The following KPNA7 variants were observed in gnomAD, a reference collection of about 807,000 sequenced individuals.
The protein encoded by KPNA7 is importin subunit alpha-8.
A neutral mutation model predicts 53.7 loss-of-function variants in KPNA7; 54 were observed. That is an observed-to-expected ratio of 1.01 (90% CI 0.81 to 1.26). The LOEUF (loss-of-function observed/expected upper bound fraction) is 1.26. Among genes scored for constraint, KPNA7 ranks in the 50% most tolerant of loss-of-function variants. The pLI is 0.00. For synonymous variants in KPNA7, 276 were observed against 259.3 expected, an observed-to-expected ratio of 1.06 and a Z score of -0.62; for missense variants, 640 against 644.5, an observed-to-expected ratio of 0.99 and a Z score of 0.07.
chr7:99,199,065 G>GGAAAAA (rs1297557877), intron 3 of KPNA7, among the ~76,000 whole-genome samples: 6 of 61,128 alleles, frequency 9.8e-5, no homozygotes, highest in Admixed American at 2.1e-4. Context: ...GCTGCAAACT[G>GGAAAAA]AAAAAAAAAA....
chr7:99,161,234 TC>T, the KPNA7 span, among the ~76,000 whole-genome samples: 1 of 2,494 alleles, frequency 4.0e-4, no homozygotes. Context: ...TCTCTCTCTC[TC>T]TCTCTCTCTC....
At chr7:99,190,149 C>T (rs1045713788) in intron 6 of KPNA7, among the ~76,000 whole-genome samples, 1 of 151,836 alleles carries the variant, frequency 6.6e-6, no homozygotes, top group African/African-American at 2.4e-5. Context: ...CCAGCCTGGC[C>T]AAGATGGTGA....
intron 4 of KPNA7, 55 bp downstream of exon 4, chr7:99,196,029 C>G: frequency 7.0e-7 from 1 of 1,432,306 alleles, no homozygotes; most frequent in African/African-American, 1.4e-5. Flanking sequence ...CCAGCCATCA[C>G]TGACGCTCAT....
intron 8 of KPNA7, among the ~76,000 whole-genome samples, chr7:99,184,531 G>C (rs1033607184): frequency 1.3e-5 from 2 of 152,062 alleles, no homozygotes; most frequent in African/African-American, 4.8e-5. Context: ...ATTTAACTTT[G>C]CTTTCCTTCA....
chr7:99,184,065 T>A (rs1207670153), intron 8 of KPNA7, among the ~76,000 whole-genome samples: 1 of 151,772 alleles, frequency 6.6e-6, no homozygotes, highest in African/African-American at 2.4e-5. Context: ...GCCAGGCTGG[T>A]ATCGAACCCC....
chr7:99,202,643 G>A (rs567839995), intron 3 of KPNA7, among the ~76,000 whole-genome samples: 17 of 151,974 alleles, frequency 1.1e-4, no homozygotes, highest in Non-Finnish European at 2.4e-4. Context: ...CCAGGGGTTC[G>A]AGACCCTCCT....
chr7:99,189,400 G>A (rs901166650), intron 6 of KPNA7, among the ~76,000 whole-genome samples: 3 of 151,266 alleles, frequency 2.0e-5, no homozygotes, highest in African/African-American at 7.3e-5. Context: ...GTGATGACAG[G>A]CCTGAGTCAC....
intron 1 of KPNA7, among the ~76,000 whole-genome samples, chr7:99,216,035 CTT>C (rs1161856040): frequency 5.9e-5 from 9 of 152,030 alleles, no homozygotes; most frequent in African/African-American, 2.2e-4. Flanking sequence ...TACCCTGCCC[CTT>C]TTTGTTTTGA....
At chr7:99,180,329 C>T (rs1359776736) in intron 9 of KPNA7, among the ~76,000 whole-genome samples, 1 of 152,108 alleles carries the variant, frequency 6.6e-6, no homozygotes, top group Non-Finnish European at 1.5e-5. Context: ...TAGCAAGACC[C>T]TGTCTCTACT....
At chr7:99,169,801 G>A (rs1176176677), downstream of KPNA7, among the ~76,000 whole-genome samples, 1 of 151,986 alleles carries the variant, frequency 6.6e-6, no homozygotes, top group African/African-American at 2.4e-5. Flanking sequence ...AGCACTTTGG[G>A]AGGCCGAGGT....
At chr7:99,214,461 AAAAC>A (rs1190804370) in intron 1 of KPNA7, among the ~76,000 whole-genome samples, 2 of 147,610 alleles carry the variant, frequency 1.4e-5, no homozygotes, top group African/African-American at 5.0e-5. Context: ...ACAAAAAACA[AAAAC>A]AAAAACAAAA....
chr7:99,188,516 T>C lies in KPNA7; in HGVS notation c.684A>G (p.Arg228=). The C allele has an allele frequency of 6.4e-7, 1 of 1,551,686 alleles. No individual in the cohort carries two copies. Among genetic ancestry groups the C allele is most frequent in the African/African-American group, 1.4e-5 (1 of 73,150 alleles). Residue 228 remains arginine, a synonymous_variant, in exon 7 of 11, where the codon CGA becomes CGG. Coordinates refer to ENST00000327442, the MANE Select transcript of KPNA7 (RefSeq NM_001145715.3). ...TGTCGCAAGGGTATGGGTTCTTGTT[T>C]CGGCACAGATTCGACAAGGTCCACG... The part of the protein sequence containing the change: ...NITWTLSNLC[R]NKNPYPCDTA...
At chr7:99,161,940 C>T in the KPNA7 span, among the ~76,000 whole-genome samples, 1 of 151,820 alleles carries the variant, frequency 6.6e-6, no homozygotes, top group Admixed American at 6.6e-5. Context: ...GCAAACTGTG[C>T]TGCCTTATAA....
Position 99,203,181 on chromosome 7 carries a change from T to C in KPNA7, c.126A>G (p.Glu42=), listed in dbSNP as rs1468731781. Residue 42 remains glutamate, a synonymous_variant, in exon 3 of 11, where the codon GAA becomes GAG. Transcript: ENST00000327442. ...SLELRKAKKD[E]QTLKRRNITS... ...TGATATTCCTTCTCTTTAAGGTCTG[T>C]TCATCTTTCTTGGCCTTTCGGAGCT... 1 of 1,551,694 alleles carries C rather than the reference T, an allele frequency of 6.4e-7. No individual in the cohort carries two copies. Among genetic ancestry groups the C allele is most frequent in the African/African-American group, 1.4e-5 (1 of 73,170 alleles).
chr7:99,196,288 T>C, intron 3 of KPNA7, 122 bp from the exon 4 acceptor site: 1 of 672,078 alleles, frequency 1.5e-6, no homozygotes. Flanking sequence ...CCATCTTGCA[T>C]GCTGTTCTAT....
chr7:99,151,607 CCTGG>C, the KPNA7 span, among the ~76,000 whole-genome samples: 1 of 151,292 alleles, frequency 6.6e-6, no homozygotes, highest in African/African-American at 2.4e-5. Flanking sequence ...CACCATCATG[CCTGG>C]CTAATTAAAA....
intron 3 of KPNA7, among the ~76,000 whole-genome samples, chr7:99,202,322 T>C (rs375128750): frequency 6.6e-6 from 1 of 152,162 alleles, no homozygotes; most frequent in East Asian, 1.9e-4. Context: ...AACTTCCTGG[T>C]CAAGGCATTC....
In KPNA7 at chr7:99,184,937, G is replaced by A. The variant is rs1286137708; in HGVS notation, c.1126C>T (p.Leu376=). The change falls in exon 8 of 11, where the codon CTA becomes TTA. Residue 376 remains leucine (L), a synonymous_variant. Transcript: ENST00000327442. The part of the protein sequence containing the change: ...YDVLPPLVAL[L]KNGEFKVQKE... The stretch of plus-strand genomic sequence containing the variant: ...CTGTGTGCGCCACTTACGTTTTTTA[G>A]CAGAGCCACCAAGGGAGGCAAGACG... 5.8e-6 allele frequency: 9 copies of A among 1,551,970 alleles called. No individual in the cohort carries two copies. Among genetic ancestry groups the A allele is most frequent in the Non-Finnish European group, 7.8e-6 (9 of 1,147,034 alleles).
Position 99,182,050 on chromosome 7 carries a change from G to A in KPNA7, c.1150C>T (p.Gln384Ter), listed in dbSNP as rs1484834231. 6.5e-7 allele frequency: 1 copy of A among 1,536,822 alleles called. No individual in the cohort carries two copies. The highest frequency in any genetic ancestry group is 2.0e-5 in the Admixed American group (1 of 49,686). Residue 384 changes from glutamine (Q) to a stop codon, truncating the protein, a stop_gained, in exon 9 of 11, where the codon CAG becomes TAG. Coordinates refer to ENST00000327442, the MANE Select transcript of KPNA7 (RefSeq NM_001145715.3). LOFTEE classifies it high-confidence loss of function. ...GCCACCATCCAGACAGCCTCTTTCT[G>A]GACTTTAAATTCTCCCTGCAGAACA... ...ALLKNGEFKV[Q>*]KEAVWMVANF...
Sources: allele counts gnomAD v4.1 joint callset (sites outside exome capture counted in the v4.1 genomes callset), GRCh38; gene constraint gnomAD v4.1.1; transcripts MANE v1.5; gene names NCBI Gene and HGNC (gene_info 2026-07-23, HGNC 2026-07-21).